ZBTB7C: variants seen among roughly 807,000 people sequenced by gnomAD.
ZBTB7C encodes zinc finger and BTB domain-containing protein 7C.
In ZBTB7C, 8 loss-of-function variants were observed where a neutral mutation model predicts 25.7. The ratio of observed to expected loss-of-function variants is 0.31; its 90% confidence interval spans 0.18 to 0.56. ZBTB7C has a LOEUF of 0.56. ZBTB7C is among the 20% of genes least tolerant of loss of function. The pLI, the probability that ZBTB7C is intolerant of heterozygous loss-of-function variation, is 0.91. For missense variants in ZBTB7C, 824 were observed against 855.2 expected (o/e 0.96, Z 0.46); for synonymous variants, 394 against 369.0 (o/e 1.07, Z -0.78).
chr18:48,170,997 C>G (rs908383101), intron 3 of ZBTB7C, among the ~76,000 whole-genome samples: 2 of 152,202 alleles, frequency 1.3e-5, no homozygotes, highest in African/African-American at 4.8e-5. Flanking sequence ...TGCCTATAGC[C>G]TACACTCAAC....
intron 2 of ZBTB7C, among the ~76,000 whole-genome samples, chr18:48,271,056 A>G (rs1339074310): frequency 1.3e-5 from 2 of 152,188 alleles, no homozygotes; most frequent in Non-Finnish European, 2.9e-5. Context: ...AGAAATAAAA[A>G]CCTGCATACA....
chr18:48,041,050 C>T lies in ZBTB7C; in HGVS notation c.58G>A (p.Val20Ile). Reference protein sequence around the residue: ...GIPFPNHSSEVLCSLNEQRHD... With the variant: ...GIPFPNHSSEILCSLNEQRHD... ...CGTTGCTCATTGAGGCTGCACAGGACCTCACTGCTGTGGTTGGGGAAGGGA... is the reference window on the plus strand; with the variant it reads ...CGTTGCTCATTGAGGCTGCACAGGATCTCACTGCTGTGGTTGGGGAAGGGA... The change falls in exon 4 of 5, where the codon GTC (valine) becomes ATC (isoleucine). Residue 20 changes from valine (V) to isoleucine (I), a missense_variant. By Grantham distance (29) the Val-to-Ile change is conservative. This residue lies in a region of ZBTB7C where 117 missense variants were observed against 167.7 expected (regional missense o/e 0.70). Transcript: ENST00000590800. 1 of 1,612,684 alleles carries T rather than the reference C, an allele frequency of 6.2e-7. No individual in the cohort carries two copies. The highest frequency in any genetic ancestry group is 1.7e-5 in the Admixed American group (1 of 59,996).
upstream of ZBTB7C, among the ~76,000 whole-genome samples, chr18:48,410,381 A>T (rs767254835): frequency 9.9e-5 from 15 of 152,156 alleles, no homozygotes; most frequent in Non-Finnish European, 1.3e-4. Flanking sequence ...GTCGGCCTGG[A>T]AGGCGGCCTT....
intron 2 of ZBTB7C, among the ~76,000 whole-genome samples, chr18:48,266,603 G>A (rs2144545032): frequency 6.6e-6 from 1 of 152,292 alleles, no homozygotes; most frequent in African/African-American, 2.4e-5. Context: ...CAATAGCAGT[G>A]CTGCTCTCAG....
Position 48,029,437 on chromosome 18 carries a change from G to T in ZBTB7C, c.1683C>A (p.Arg561=). 1.3e-6 allele frequency: 2 copies of T among 1,592,428 alleles called. No homozygotes were observed. Among genetic ancestry groups the T allele is most frequent in the East Asian group, 2.3e-5 (1 of 43,604 alleles). ...CGTTCCTCTCAGCCTCCAGCTGCGC[G>T]CGCCCGAACAGCTTCATCTGTGTCT... ...FEETQMKLFG[R]AQLEAERNAG... is the part of the protein sequence containing the mutation. Residue 561 remains arginine (R), a synonymous_variant, in exon 5 of 5, where the codon CGC becomes CGA. Coordinates refer to ENST00000590800, the MANE Select transcript of ZBTB7C (RefSeq NM_001318841.2).
chr18:48,040,147 G>T lies in ZBTB7C; in HGVS notation c.961C>A (p.Pro321Thr), dbSNP rs2036155278. The change falls in exon 4 of 5, where the codon CCT (proline) becomes ACT (threonine). Residue 321 changes from proline to threonine, a missense_variant. Pro to Thr is a conservative substitution (Grantham distance 38, BLOSUM62 -1). Coordinates refer to ENST00000590800, the MANE Select transcript of ZBTB7C (RefSeq NM_001318841.2). ...KDMFPDLPGG[P>T]LGPIKAENDY... is the part of the protein sequence containing the mutation. ...TTCTCCGCCTTGATGGGTCCCAGAG[G>T]CCCCCCCGGCAGGTCAGGGAACATG... 3 of 1,580,476 alleles carry T rather than the reference G, an allele frequency of 1.9e-6. No individual in the cohort carries two copies. The highest frequency in any genetic ancestry group is 1.2e-5 in the South Asian group (1 of 84,856).
intron 1 of ZBTB7C, chr18:48,408,715 G>A (rs2048338379): frequency 2.0e-5 from 3 of 152,256 alleles, no homozygotes; most frequent in South Asian, 2.1e-4. Flanking sequence ...CCAGGCAGAA[G>A]TGCGGTAAAA....
intron 2 of ZBTB7C, among the ~76,000 whole-genome samples, chr18:48,250,022 G>C (rs1230627954): frequency 6.6e-6 from 1 of 152,168 alleles, no homozygotes; most frequent in Non-Finnish European, 1.5e-5. Context: ...GTTAGGTGGA[G>C]GGGAGTCTCC....
intron 2 of ZBTB7C, among the ~76,000 whole-genome samples, chr18:48,266,709 G>T (rs867504154): frequency 6.6e-6 from 1 of 152,140 alleles, no homozygotes; most frequent in Non-Finnish European, 1.5e-5. Context: ...ATGTCTCCTA[G>T]TCTACTCCTG....
At chr18:48,060,305 G>C (rs1364343064) in intron 3 of ZBTB7C, among the ~76,000 whole-genome samples, 4 of 152,158 alleles carry the variant, frequency 2.6e-5, no homozygotes, top group Non-Finnish European at 5.9e-5. Context: ...GGAAAGGCAG[G>C]GCATGCAGGG....
In ZBTB7C at chr18:48,321,172, G is replaced by A. The variant is rs970235200; in HGVS notation, c.-79+17002C>T. Among the ~76,000 whole-genome samples, 30 of 152,238 alleles carry A rather than the reference G, an allele frequency of 2.0e-4. 1 individual carries two copies. Among genetic ancestry groups the A allele is most frequent in the Non-Finnish European group, 2.9e-5 (2 of 68,034 alleles). ...AGCTTCCAGGTGATTCTAACATGCA[G>A]TCCAGGGTGGGGAACCACTGCTCAG... On this transcript the variant is annotated intron_variant, in intron 2 of 4. Coordinates refer to ENST00000590800, the MANE Select transcript of ZBTB7C (RefSeq NM_001318841.2).
chr18:48,192,619 G>A (rs368559128), intron 2 of ZBTB7C, among the ~76,000 whole-genome samples: 5 of 152,238 alleles, frequency 3.3e-5, no homozygotes, highest in Admixed American at 2.6e-4. Context: ...GTGGCACCAC[G>A]CCTGGCTAAT....
At chr18:48,359,475 G>A (rs2047053896) in intron 1 of ZBTB7C, among the ~76,000 whole-genome samples, 1 of 152,134 alleles carries the variant, frequency 6.6e-6, no homozygotes, top group Admixed American at 6.5e-5. Context: ...ATGGCAACAT[G>A]ACAGGTACAA....
intron 1 of ZBTB7C, among the ~76,000 whole-genome samples, chr18:48,353,214 T>C (rs2046902896): frequency 6.6e-6 from 1 of 152,158 alleles, no homozygotes; most frequent in Admixed American, 6.5e-5. Flanking sequence ...GAGGAACAGA[T>C]AGTTCCAGCC....
chr18:48,270,253 C>CT (rs760096959), intron 2 of ZBTB7C, among the ~76,000 whole-genome samples: 6,011 of 98,756 alleles, frequency 0.061, 235 homozygotes, highest in Non-Finnish European at 0.073. Flanking sequence ...TTCTCTCTTT[C>CT]TTTTTTTTTT....
intron 2 of ZBTB7C, among the ~76,000 whole-genome samples, chr18:48,264,264 G>A (rs1433113100): frequency 3.9e-5 from 6 of 152,190 alleles, no homozygotes; most frequent in Non-Finnish European, 7.3e-5. Flanking sequence ...ATCATGGGGC[G>A]AATAAGACTG....
chr18:48,241,239 A>C (rs187381331), intron 2 of ZBTB7C, among the ~76,000 whole-genome samples: 1 of 152,328 alleles, frequency 6.6e-6, no homozygotes, highest in East Asian at 1.9e-4. Flanking sequence ...AATAGATGGC[A>C]ACACAATAAT....
At position 48,028,050 on chromosome 18, in the gene ZBTB7C, T is replaced by A. The variant is rs927626304; in HGVS notation, c.*1210A>T. On this transcript the variant is annotated 3_prime_UTR_variant, in exon 5 of 5. Transcript: ENST00000590800. ...GGGAGGAGGAAGGGGTTGAGGGGGT[T>A]CTCACACAGCAAAGGGGACCATCAC... 2.0e-5 allele frequency: 3 copies of A among 152,166 alleles called. No homozygotes were observed. The highest frequency in any genetic ancestry group is 4.4e-5 in the Non-Finnish European group (3 of 68,066). 9.4% of individuals were successfully genotyped at this position (152,166 alleles called of 1,614,324 possible).
At chr18:48,118,817 A>AT (rs1160042465) in intron 3 of ZBTB7C, among the ~76,000 whole-genome samples, 1 of 152,152 alleles carries the variant, frequency 6.6e-6, no homozygotes, top group African/African-American at 2.4e-5. Context: ...AATTATACAT[A>AT]TTTTTTGCAA....
Sources: gnomAD v4.1 joint callset for allele counts (sites outside exome capture counted in the v4.1 genomes callset) on GRCh38, gnomAD v4.1.1 for gene constraint, gnomAD v4.1.1 regional missense constraint, MANE v1.5 for transcripts, NCBI Gene and HGNC (gene_info 2026-07-23, HGNC 2026-07-21) for gene names.